Variants in KIAA1549 observed in about 807,000 individuals in gnomAD.
KIAA1549 encodes KIAA1549.
Under a neutral mutation model 156.4 loss-of-function variants are expected in KIAA1549, and 70 were observed. That is an observed-to-expected ratio of 0.45 (90% CI 0.37 to 0.55). KIAA1549 has a LOEUF of 0.55. Among genes scored for constraint, KIAA1549 ranks in the 20% least tolerant of loss-of-function variants. The pLI, the probability that KIAA1549 is intolerant of heterozygous loss-of-function variation, is 0.00. For synonymous variants in KIAA1549, 1,103 were observed against 1,066.4 expected (o/e 1.03, Z -0.67); for missense variants, 2,428 against 2,540.9 (o/e 0.96, Z 0.96).
chr7:138,971,982 G>A (rs1017860909), intron 1 of KIAA1549, among the ~76,000 whole-genome samples: 19 of 152,292 alleles, frequency 1.2e-4, no homozygotes, highest in African/African-American at 3.9e-4. Flanking sequence ...TGCTGAAGGT[G>A]GAGGATGAAC....
At chr7:138,936,308 T>TA (rs756854718) in intron 1 of KIAA1549, among the ~76,000 whole-genome samples, 2 of 152,038 alleles carry the variant, frequency 1.3e-5, no homozygotes, top group Non-Finnish European at 2.9e-5. Context: ...AACAGGCTCC[T>TA]AAAAAAACCC....
Position 138,861,414 on chromosome 7 carries a change from C to A in KIAA1549, c.4972G>T (p.Val1658Leu), listed in dbSNP as rs747795298. 1 of 1,612,336 alleles carries A rather than the reference C, an allele frequency of 6.2e-7. No individual in the cohort carries two copies. Among genetic ancestry groups the A allele is most frequent in the South Asian group, 1.1e-5 (1 of 90,702 alleles). The change falls in exon 16 of 20, where the codon GTG (valine) becomes TTG (leucine). Residue 1658 changes from valine (V) to leucine (L), a missense_variant. Around this residue, in one of 5 missense-constraint regions of KIAA1549, gnomAD observed 404 missense variants for 417.0 expected, o/e 0.97. Transcript: ENST00000422774. ...AGGGCTGGATACCTCCCCAGTTCCACCGAGGATGGTGTCTGCACATCGGCT... is the reference window on the plus strand; with the variant it reads ...AGGGCTGGATACCTCCCCAGTTCCAACGAGGATGGTGTCTGCACATCGGCT... ...LPADVQTPSSVELGRYPALPF... is the reference protein window; with the variant it reads ...LPADVQTPSSLELGRYPALPF...
intron 10 of KIAA1549, among the ~76,000 whole-genome samples, chr7:138,884,933 C>A (rs145448918): frequency 2.0e-5 from 3 of 152,240 alleles, no homozygotes; most frequent in Non-Finnish European, 2.9e-5. Flanking sequence ...CAGTGGCTTA[C>A]GCCTGTAATC....
At chr7:138,979,193 G>C (rs1814466924) in intron 1 of KIAA1549, among the ~76,000 whole-genome samples, 1 of 152,228 alleles carries the variant, frequency 6.6e-6, no homozygotes. Context: ...GTCTAGAATG[G>C]AAATATTATT....
chr7:138,912,318 T>A, intron 3 of KIAA1549, 54 bp downstream of exon 3: 1 of 1,315,332 alleles, frequency 7.6e-7, no homozygotes, highest in Non-Finnish European at 1.1e-6. Flanking sequence ...CCTGGGGCTC[T>A]CACATCAGCC....
At chr7:138,976,347 C>T (rs978606696) in intron 1 of KIAA1549, among the ~76,000 whole-genome samples, 2 of 152,148 alleles carry the variant, frequency 1.3e-5, no homozygotes, top group African/African-American at 4.8e-5. Context: ...AGGCGTGAGT[C>T]ACCGCGCCCG....
At chr7:138,914,161 A>C (rs1812248843) in intron 2 of KIAA1549, among the ~76,000 whole-genome samples, 1 of 152,172 alleles carries the variant, frequency 6.6e-6, no homozygotes. Flanking sequence ...AGCCCCACAC[A>C]GCTAAAGACA....
At chr7:138,893,930 G>A (rs761379700) in intron 10 of KIAA1549, among the ~76,000 whole-genome samples, 1 of 152,224 alleles carries the variant, frequency 6.6e-6, no homozygotes, top group Non-Finnish European at 1.5e-5. Flanking sequence ...CACTGGCCAG[G>A]TGTGGTGGCA....
intron 16 of KIAA1549, among the ~76,000 whole-genome samples, chr7:138,853,864 C>T (rs1227315413): frequency 6.6e-6 from 1 of 152,164 alleles, no homozygotes; most frequent in Non-Finnish European, 1.5e-5. Flanking sequence ...AAAGCATATT[C>T]ATATGCAAAA....
At chr7:138,864,362 C>T (rs1230420511) in intron 15 of KIAA1549, among the ~76,000 whole-genome samples, 2 of 152,108 alleles carry the variant, frequency 1.3e-5, no homozygotes, top group East Asian at 1.9e-4. Flanking sequence ...AAGGACAGTC[C>T]CCTTGGATTC....
chr7:138,943,615 C>T (rs1813249450), intron 1 of KIAA1549, among the ~76,000 whole-genome samples: 1 of 152,188 alleles, frequency 6.6e-6, no homozygotes, highest in African/African-American at 2.4e-5. Context: ...TTTGGGAGGC[C>T]AAGGCGGGTG....
rs772169555 is a variant in KIAA1549, at chr7:138,918,094, A to G, written c.1532T>C (p.Val511Ala). 10 of 1,613,846 alleles carry G rather than the reference A, an allele frequency of 6.2e-6. No individual in the cohort carries two copies. Residue 511 changes from valine (V) to alanine (A), a missense_variant, in exon 2 of 20, where the codon GTG (valine) becomes GCG (alanine). Physicochemically the swap from Val to Ala is moderately conservative, Grantham distance 64. Coordinates refer to ENST00000422774, the MANE Select transcript of KIAA1549 (RefSeq NM_001164665.2). This position sits in a 1 kb window ranked among gnomAD's most constrained non-coding sequence, Gnocchi z 4.2. ...SETSVGISAE[V>A]DMSSVTTTQV... ...TGTGGTTGTAACACTACTCATATCC[A>G]CCTCGGCAGAAATGCCAACACTCGT...
intron 12 of KIAA1549, among the ~76,000 whole-genome samples, chr7:138,875,567 C>T (rs974590241): frequency 6.6e-6 from 1 of 152,032 alleles, no homozygotes; most frequent in Admixed American, 6.5e-5. Flanking sequence ...ACTGCTTGAG[C>T]CCAGGAGGTC....
In KIAA1549 at chr7:138,832,095, G is replaced by A. The variant is rs149428313; in HGVS notation, c.*5811C>T. On this transcript the variant is annotated 3_prime_UTR_variant, in exon 20 of 20. Transcript: ENST00000422774. Reference sequence around the variant, plus strand: ...CTGGTAAGTACAGGAAAGACTATTCGTGATGCTCCAAGTAGCCCAGAAAGG... The same window carrying A: ...CTGGTAAGTACAGGAAAGACTATTCATGATGCTCCAAGTAGCCCAGAAAGG... 132 of 229,144 alleles carry A rather than the reference G, an allele frequency of 5.8e-4. No homozygotes were observed. The highest frequency in any genetic ancestry group is 2.5e-3 in the African/African-American group (113 of 45,072). The allele number at this position is 229,144 out of a possible 1,614,324, so 14.2% of individuals were successfully genotyped here.
intron 5 of KIAA1549, among the ~76,000 whole-genome samples, chr7:138,908,105 G>A (rs1812061436): frequency 6.6e-6 from 1 of 152,142 alleles, no homozygotes; most frequent in African/African-American, 2.4e-5. Context: ...GGGGAAAGCT[G>A]TGCCAGCTAC....
In KIAA1549 at chr7:138,833,740, T is replaced by C. The variant is rs1809615080; in HGVS notation, c.*4166A>G. 4.3e-6 allele frequency: 1 copy of C among 233,018 alleles called. No homozygotes were observed. The highest frequency in any genetic ancestry group is 8.5e-6 in the Non-Finnish European group (1 of 117,952). 14.4% of individuals were successfully genotyped at this position (233,018 alleles called of 1,614,324 possible). A position where few individuals can be genotyped will look rare whatever the true frequency, so the allele number is the denominator to read the frequency against. Reference sequence around the variant, plus strand: ...GGATATGGCGTGGCCAAACGGCTGCTTGAGATCTGCTCTAAACAATGACCT... The same window carrying C: ...GGATATGGCGTGGCCAAACGGCTGCCTGAGATCTGCTCTAAACAATGACCT... On this transcript the variant is annotated 3_prime_UTR_variant, in exon 20 of 20. Transcript: ENST00000422774.
chr7:138,840,808 GCAC>G (rs747310361), intron 18 of KIAA1549, among the ~76,000 whole-genome samples: 1 of 152,164 alleles, frequency 6.6e-6, no homozygotes, highest in Non-Finnish European at 1.5e-5. Flanking sequence ...CTCCCTGTGA[GCAC>G]CACAACAGCC....
chr7:138,835,058 A>C lies in KIAA1549; in HGVS notation c.*2848T>G, dbSNP rs779427430. On this transcript the variant is annotated 3_prime_UTR_variant, in exon 20 of 20. Transcript: ENST00000422774. Reference sequence around the variant, plus strand: ...ACTAGAACTTTTAAAATAGGAAAAAAGAATAGACATAAAATTCAACTGTTC... The same window carrying C: ...ACTAGAACTTTTAAAATAGGAAAAACGAATAGACATAAAATTCAACTGTTC... 2.2e-5 allele frequency: 5 copies of C among 225,832 alleles called. No homozygotes were observed. The highest frequency in any genetic ancestry group is 4.4e-5 in the Non-Finnish European group (5 of 113,504). The allele number at this position is 225,832 out of a possible 1,614,324, so 14.0% of individuals were successfully genotyped here. A position where few individuals can be genotyped will look rare whatever the true frequency, so the allele number is the denominator to read the frequency against.
chr7:138,932,238 A>C (rs1812893079), intron 1 of KIAA1549, among the ~76,000 whole-genome samples: 1 of 152,188 alleles, frequency 6.6e-6, no homozygotes, highest in African/African-American at 2.4e-5. Context: ...ATTTTGTCTT[A>C]ACTGGAAAAC....
Sources: allele counts gnomAD v4.1 joint callset (sites outside exome capture counted in the v4.1 genomes callset), GRCh38; gene constraint gnomAD v4.1.1; regional missense constraint gnomAD v4.1.1; non-coding constraint Gnocchi (gnomAD v3.1); transcripts MANE v1.5; gene names NCBI Gene and HGNC (gene_info 2026-07-23, HGNC 2026-07-21).